Variants in SH3GLB2 observed in about 807,000 individuals in gnomAD.
SH3GLB2 encodes SH3 domain containing GRB2 like, endophilin B2, also known as endophilin-B2.
In SH3GLB2, 24 loss-of-function variants were observed where a neutral mutation model predicts 48.0. That is an observed-to-expected ratio of 0.50 (90% CI 0.36 to 0.70). SH3GLB2 has a LOEUF of 0.70. Ranked by LOEUF, SH3GLB2 falls within the 30% of genes least tolerant of loss-of-function variation. SH3GLB2 has a pLI of 0.00. For synonymous variants in SH3GLB2, 227 were observed against 207.6 expected (o/e 1.09, Z -0.80); for missense variants, 425 against 516.0 (o/e 0.82, Z 1.71).
chr9:129,019,097 A>AGACT (rs61354921), intron 3 of SH3GLB2, among the ~76,000 whole-genome samples: 16,647 of 151,162 alleles, frequency 0.11, 1,681 homozygotes, highest in African/African-American at 0.25. Flanking sequence ...TCTTTAAATT[A>AGACT]GACTGTGGGC....
chr9:129,018,381 G>A (rs182243081), intron 3 of SH3GLB2, among the ~76,000 whole-genome samples: 3 of 151,840 alleles, frequency 2.0e-5, no homozygotes, highest in African/African-American at 4.8e-5. Context: ...TTCAAGACCA[G>A]CCTGGCCAAC....
Position 129,014,080 on chromosome 9 carries a change from C to T in SH3GLB2, c.561+331G>A, listed in dbSNP as rs774120983. ...AGAGTTAGTAAGAAGGTGCCATGCCCGGGCAGAGCCGGGGACAGAGCCGAG... is the reference window on the plus strand; with the variant it reads ...AGAGTTAGTAAGAAGGTGCCATGCCTGGGCAGAGCCGGGGACAGAGCCGAG... On this transcript the variant is annotated intron_variant, in intron 5 of 10. Transcript: ENST00000372564. The surrounding 1 kb of genome is among the most constrained non-coding windows in gnomAD (Gnocchi z 4.1). The T allele has an allele frequency of 1.2e-4, 68 of 566,544 alleles. 1 individual carries two copies. Among genetic ancestry groups the T allele is most frequent in the East Asian group, 1.0e-3 (24 of 23,992 alleles). The allele number at this position is 566,544 out of a possible 1,614,324, so 35.1% of individuals were successfully genotyped here. A position where few individuals can be genotyped will look rare whatever the true frequency, so the allele number is the denominator to read the frequency against.
At position 129,009,900 on chromosome 9, in the gene SH3GLB2, C is replaced by A. The variant is rs866024525; in HGVS notation, c.739-29G>T. Reference sequence around the variant, plus strand: ...CGGGGAAGAGGCCAGAGGCTGACTTCTAACCTCCCGCCCTCAGAACAAAAA... The same window carrying A: ...CGGGGAAGAGGCCAGAGGCTGACTTATAACCTCCCGCCCTCAGAACAAAAA... On this transcript the variant is annotated intron_variant, in intron 8 of 10. Transcript: ENST00000372564. 4 of 1,595,684 alleles carry A rather than the reference C, an allele frequency of 2.5e-6. No individual in the cohort carries two copies. In the Middle Eastern group the frequency reaches 6.6e-4, roughly 264 times the overall value.
intron 6 of SH3GLB2, 86 bp from the exon 7 acceptor site, chr9:129,010,779 C>A: frequency 6.5e-7 from 1 of 1,546,822 alleles, no homozygotes; most frequent in Non-Finnish European, 8.9e-7. Flanking sequence ...CCCCAGCTCC[C>A]AGACTCAACT....
At position 129,021,234 on chromosome 9, in the gene SH3GLB2, C is replaced by A; in HGVS notation, c.206-15G>T. 1 of 1,590,680 alleles carries A rather than the reference C, an allele frequency of 6.3e-7. No homozygotes were observed. The highest frequency in any genetic ancestry group is 8.5e-7 in the Non-Finnish European group (1 of 1,170,284). Reference sequence around the variant, plus strand: ...CACTCGGGCACCTGTGGGGAGACAGCAGCCAAAGCCACAGGGCTCCTTAGT... The same window carrying A: ...CACTCGGGCACCTGTGGGGAGACAGAAGCCAAAGCCACAGGGCTCCTTAGT... On this transcript the variant is annotated splice_polypyrimidine_tract_variant and intron_variant, in intron 2 of 10. Coordinates refer to ENST00000372564, the MANE Select transcript of SH3GLB2 (RefSeq NM_020145.4).
Position 129,009,226 on chromosome 9 carries a change from C to T in SH3GLB2, c.960G>A (p.Pro320=), listed in dbSNP as rs1129098. 582,564 of 1,601,762 alleles carry T rather than the reference C, an allele frequency of 0.36. 110,597 individuals carry two copies. Among genetic ancestry groups the T allele is most frequent in the Admixed American group, 0.41 (24,114 of 58,262 alleles). The part of the protein sequence containing the change: ...VVPSVASLAP[P]GEASLCLEEV... ...CTTCCAGGCAGAGCGAGGCCTCCCC[C>T]GGAGGGGCCAGGCTGGCCACAGAGG... The change falls in exon 10 of 11, where the codon CCG becomes CCA. Residue 320 remains proline, a synonymous_variant. Transcript: ENST00000372564.
chr9:129,010,818 C>T, intron 6 of SH3GLB2, 125 bp from the exon 7 acceptor site: 1 of 1,218,486 alleles, frequency 8.2e-7, no homozygotes, highest in Non-Finnish European at 1.2e-6. Flanking sequence ...TGCCCCCCCT[C>T]CCAAACAGGA....
At chr9:129,010,297 T>C in intron 7 of SH3GLB2, 88 bp from the exon 8 acceptor site, 1 of 1,128,334 alleles carries the variant, frequency 8.9e-7, no homozygotes, top group Non-Finnish European at 1.3e-6. Flanking sequence ...GGGAGCCGCC[T>C]GTCCCTTTCC....
Position 129,014,514 on chromosome 9 carries a change from G to A in SH3GLB2, c.469-11C>T. On this transcript the variant is annotated splice_polypyrimidine_tract_variant and intron_variant, in intron 4 of 10. Transcript: ENST00000372564. The surrounding 1 kb of genome is among the most constrained non-coding windows in gnomAD (Gnocchi z 4.1). Reference sequence around the variant, plus strand: ...GAGCCGCCTCTCCTTCTACAGGGCAGGGCATGGGGACAGTGAGACCCTGGG... The same window carrying A: ...GAGCCGCCTCTCCTTCTACAGGGCAAGGCATGGGGACAGTGAGACCCTGGG... 1 of 1,551,796 alleles carries A rather than the reference G, an allele frequency of 6.4e-7. No homozygotes were observed. Among genetic ancestry groups the A allele is most frequent in the Non-Finnish European group, 8.7e-7 (1 of 1,147,012 alleles).
At chr9:129,023,728 A>G (rs1843961569) in intron 1 of SH3GLB2, among the ~76,000 whole-genome samples, 1 of 152,126 alleles carries the variant, frequency 6.6e-6, no homozygotes, top group African/African-American at 2.4e-5. Context: ...GCCATCAATT[A>G]TGTAGCAGAG....
At chr9:129,012,873 C>T (rs1019771565) in intron 5 of SH3GLB2, 3 of 1,152,868 alleles carry the variant, frequency 2.6e-6, no homozygotes, top group Admixed American at 2.0e-5. Context: ...AGAGGCCCTG[C>T]ACAGTAGAGG....
At chr9:129,010,749 A>C in intron 6 of SH3GLB2, 56 bp from the exon 7 acceptor site, 1 of 1,606,944 alleles carries the variant, frequency 6.2e-7, no homozygotes, top group Non-Finnish European at 8.5e-7. Context: ...GGACAGCTGG[A>C]CCCTAGAGCC....
intron 9 of SH3GLB2, 142 bp from the exon 10 acceptor site, chr9:129,009,488 G>T: frequency 6.5e-7 from 1 of 1,548,952 alleles, no homozygotes; most frequent in Non-Finnish European, 8.7e-7. Context: ...AAAGGGAAAA[G>T]CAAAGCAAGG....
At chr9:129,015,869 A>T in intron 3 of SH3GLB2, 1 of 322,846 alleles carries the variant, frequency 3.1e-6, no homozygotes, top group South Asian at 2.4e-5. Context: ...TCCTGTCTTT[A>T]AAAAAAAGAA....
In SH3GLB2 at chr9:129,007,316, C is replaced by T. The variant is rs992535068; in HGVS notation, c.*1368G>A. On this transcript the variant is annotated 3_prime_UTR_variant, in exon 11 of 11. Transcript: ENST00000372564. Reference sequence around the variant, plus strand: ...ATTCCCTTCCTTGGCCTGCGCTGGTCCTGTCCTTGACCCTGCTTTCATTGG... The same window carrying T: ...ATTCCCTTCCTTGGCCTGCGCTGGTTCTGTCCTTGACCCTGCTTTCATTGG... 2.0e-5 allele frequency: 3 copies of T among 152,454 alleles called. No individual in the cohort carries two copies. Among genetic ancestry groups the T allele is most frequent in the African/African-American group, 7.2e-5 (3 of 41,428 alleles). The allele number at this position is 152,454 out of a possible 1,614,324, so 9.4% of individuals were successfully genotyped here.
intron 1 of SH3GLB2, 53 bp from the exon 2 acceptor site, chr9:129,022,476 TG>T: frequency 2.5e-6 from 2 of 787,914 alleles, no homozygotes. Context: ...CAGAAGGAGG[TG>T]GGGGAGTGGT....
At chr9:129,016,378 C>T (rs1290236199) in intron 3 of SH3GLB2, among the ~76,000 whole-genome samples, 3 of 129,048 alleles carry the variant, frequency 2.3e-5, no homozygotes, top group African/African-American at 5.8e-5. Flanking sequence ...AAAAAAGATA[C>T]GGCCGGGTGC....
intron 8 of SH3GLB2, 43 bp downstream of exon 8, chr9:129,010,077 C>T (rs765799046): frequency 2.5e-6 from 4 of 1,582,212 alleles, no homozygotes; most frequent in Non-Finnish European, 3.5e-6. Flanking sequence ...CACCTGGTGC[C>T]TGCTGAGGGT....
chr9:129,027,708 T>A (rs2131314087), intron 1 of SH3GLB2, among the ~76,000 whole-genome samples: 1 of 152,304 alleles, frequency 6.6e-6, no homozygotes, highest in Non-Finnish European at 1.5e-5. Context: ...GGTGGACGCA[T>A]GAGTCCCTGG....
Sources: gnomAD v4.1 joint callset for allele counts (sites outside exome capture counted in the v4.1 genomes callset) on GRCh38, gnomAD v4.1.1 for gene constraint, Gnocchi (gnomAD v3.1) non-coding constraint, MANE v1.5 for transcripts, NCBI Gene and HGNC (gene_info 2026-07-23, HGNC 2026-07-21) for gene names.